The following BRCA2 variants were observed in gnomAD, a reference collection of about 807,000 sequenced individuals.
BRCA2 encodes the protein BRCA2 DNA repair associated, also known as breast cancer type 2 susceptibility protein.
BRCA2 carries 203 observed loss-of-function variants against 276.7 expected under a neutral mutation model. That is an observed-to-expected ratio of 0.73 (90% CI 0.65 to 0.82). The LOEUF is 0.82. Among genes scored for constraint, BRCA2 ranks in the 40% least tolerant of loss-of-function variants. The pLI is 0.00. For missense variants in BRCA2, 3,920 were observed against 3,915.0 expected, an observed-to-expected ratio of 1.00 and a Z score of -0.03; for synonymous variants, 1,289 against 1,338.4, an observed-to-expected ratio of 0.96 and a Z score of 0.81.
intron 4 of BRCA2, among the ~76,000 whole-genome samples, chr13:32,325,573 C>G (rs1013441054): frequency 3.1e-4 from 43 of 139,422 alleles, no homozygotes; most frequent in African/African-American, 1.1e-3. Context: ...GAGATGGAGT[C>G]TCTGTCACCC....
At chr13:32,346,152 C>T (rs1395181169) in intron 12 of BRCA2, among the ~76,000 whole-genome samples, 11 of 151,836 alleles carry the variant, frequency 7.2e-5, no homozygotes, top group Non-Finnish European at 1.5e-5. Context: ...TATTCACCCA[C>T]CTCTTGCTTA....
In BRCA2 at chr13:32,380,775, C is replaced by T. The variant is rs75562304; in HGVS notation, c.9256+630C>T. Among the ~76,000 whole-genome samples, 127 of 152,004 alleles carry T rather than the reference C, an allele frequency of 8.4e-4. No individual in the cohort carries two copies. In the East Asian group the frequency reaches 0.017, roughly 20 times the overall value. ...CAGGATAGTCTAAATCTCCTGACCTCGTGATCTACCAGCCTCGGCCTCCCA... is the reference window on the plus strand; with the variant it reads ...CAGGATAGTCTAAATCTCCTGACCTTGTGATCTACCAGCCTCGGCCTCCCA... On this transcript the variant is annotated intron_variant, in intron 24 of 26. Transcript: ENST00000380152.
intron 24 of BRCA2, among the ~76,000 whole-genome samples, chr13:32,388,542 T>TA (rs776079968): frequency 2.0e-5 from 3 of 151,880 alleles, no homozygotes; most frequent in Admixed American, 6.6e-5. Context: ...CTTTTTTTTT[T>TA]AAAAACAGGC....
chr13:32,374,099 G>A (rs2072854705), intron 20 of BRCA2, among the ~76,000 whole-genome samples: 1 of 152,230 alleles, frequency 6.6e-6, no homozygotes, highest in African/African-American at 2.4e-5. Flanking sequence ...TCAATGGCTG[G>A]AGCTGGAGCA....
intron 2 of BRCA2, 80 bp from the exon 3 acceptor site, chr13:32,318,997 C>G: frequency 6.5e-7 from 1 of 1,549,852 alleles, no homozygotes; most frequent in Admixed American, 2.0e-5. Context: ...GCATTTTTTT[C>G]CTTATGATCT....
At chr13:32,371,198 T>C (rs1566249528) in intron 20 of BRCA2, 98 bp downstream of exon 20, 1 of 1,316,964 alleles carries the variant, frequency 7.6e-7, no homozygotes, top group Non-Finnish European at 1.1e-6. Context: ...ATTGTTTTTA[T>C]TTTGAGTAGT....
intron 3 of BRCA2, 46 bp downstream of exon 3, chr13:32,319,371 A>G (rs1450504838): frequency 6.5e-7 from 1 of 1,543,922 alleles, no homozygotes; most frequent in Non-Finnish European, 8.9e-7. Flanking sequence ...CAAACTAGGA[A>G]TTTAGGCAAA....
chr13:32,374,724 C>T (rs2072859058), intron 20 of BRCA2, among the ~76,000 whole-genome samples: 1 of 152,220 alleles, frequency 6.6e-6, no homozygotes, highest in South Asian at 2.1e-4. Context: ...AACCATTCAA[C>T]AAGTCTCTAG....
intron 11 of BRCA2, among the ~76,000 whole-genome samples, chr13:32,344,139 C>T (rs1313392392): frequency 6.7e-6 from 1 of 148,804 alleles, no homozygotes; most frequent in East Asian, 1.9e-4. Flanking sequence ...ATAAATTACT[C>T]CTTCAGTTAA....
intron 24 of BRCA2, chr13:32,384,681 C>A (rs2072946576): frequency 1.3e-5 from 3 of 230,894 alleles, no homozygotes; most frequent in South Asian, 1.6e-4. Context: ...TGCTGATGAT[C>A]ATCAGGTCAA....
Position 32,324,124 on chromosome 13 carries a change from A to G in BRCA2, c.317-952A>G, listed in dbSNP as rs548714108. Among the ~76,000 whole-genome samples, 3 of 152,332 alleles carry G rather than the reference A, an allele frequency of 2.0e-5. No homozygotes were observed. The South Asian group carries it at 6.2e-4, about 32-fold the overall frequency. ...AGGGATACAGTGACAAATAAGACAA[A>G]ATCTCTACCTCAGATTGCTCACAGC... is the stretch of plus-strand genomic sequence containing the variant. On this transcript the variant is annotated intron_variant, in intron 3 of 26. Coordinates refer to ENST00000380152, the MANE Select transcript of BRCA2 (RefSeq NM_000059.4).
At chr13:32,321,854 C>A (rs2072308227) in intron 3 of BRCA2, among the ~76,000 whole-genome samples, 1 of 152,164 alleles carries the variant, frequency 6.6e-6, no homozygotes, top group African/African-American at 2.4e-5. Context: ...TGTTACCATT[C>A]TTCAGCTTAT....
rs746783617 is a variant in BRCA2 at position 32,332,510 on chromosome 13, T to C, written c.1032T>C (p.Ser344=). Residue 344 remains serine, a synonymous_variant, in exon 10 of 27, where the codon TCT becomes TCC. Transcript: ENST00000380152. The part of the protein sequence containing the change: ...HEANADECEK[S]KNQVKEKYSF... ...CAAACGCTGATGAATGTGAAAAATC[T>C]AAAAACCAAGTGAAAGAAAAATACT... The C allele has an allele frequency of 1.9e-6, 3 of 1,611,698 alleles. No individual in the cohort carries two copies. Among genetic ancestry groups the C allele is most frequent in the Admixed American group, 1.7e-5 (1 of 59,528 alleles).
rs587782157 is a variant in BRCA2 at position 32,338,495 on chromosome 13, TAAA to T, written c.4141_4143del (p.Lys1381del). On this transcript the variant is annotated inframe_deletion, in exon 11 of 27. Coordinates refer to ENST00000380152, the MANE Select transcript of BRCA2 (RefSeq NM_000059.4). Reference sequence around the variant, plus strand: ...TTATGAAGGAGGGAAACACTCAGATTAAAGAAGATTTGTCAGATTTAACTTTTT... The same window carrying T: ...TTATGAAGGAGGGAAACACTCAGATTGAAGATTTGTCAGATTTAACTTTTT... The T allele has an allele frequency of 5.0e-6, 8 of 1,609,154 alleles. No homozygotes were observed. The highest frequency in any genetic ancestry group is 5.9e-6 in the Non-Finnish European group (7 of 1,178,606).
chr13:32,387,367 A>G (rs1042023612), intron 24 of BRCA2, among the ~76,000 whole-genome samples: 3 of 152,180 alleles, frequency 2.0e-5, no homozygotes, highest in African/African-American at 7.2e-5. Context: ...TGGCGGGTAT[A>G]GGGTGAGGTG....
intron 3 of BRCA2, 94 bp from the exon 4 acceptor site, chr13:32,324,982 A>G (rs2072332821): frequency 1.2e-6 from 1 of 846,730 alleles, no homozygotes; most frequent in Non-Finnish European, 1.9e-6. Flanking sequence ...CATTCCCAGT[A>G]TAGAGGAGAC....
In BRCA2 at chr13:32,354,271, G is replaced by A. The variant is rs1460816; in HGVS notation, c.7008-590G>A. ...GAGAAATGAGAGTTTATTGAGTAGA[G>A]ATTGAGGAAGTGAAAATAGCTACAT... is the stretch of plus-strand genomic sequence containing the variant. On this transcript the variant is annotated intron_variant, in intron 13 of 26. Transcript: ENST00000380152. 0.54 allele frequency among the ~76,000 whole-genome samples: 81,841 copies of A among 151,772 alleles called. 22,170 individuals carry two copies. Among genetic ancestry groups the A allele is most frequent in the East Asian group, 0.57 (2,956 of 5,156 alleles).
At chr13:32,393,387 T>A (rs2073011214) in intron 24 of BRCA2, among the ~76,000 whole-genome samples, 1 of 152,224 alleles carries the variant, frequency 6.6e-6, no homozygotes, top group Non-Finnish European at 1.5e-5. Flanking sequence ...TTTATTTGGT[T>A]ATTTATATCA....
At chr13:32,395,329 C>A (rs2073028588) in intron 25 of BRCA2, among the ~76,000 whole-genome samples, 1 of 152,094 alleles carries the variant, frequency 6.6e-6, no homozygotes, top group Non-Finnish European at 1.5e-5. Context: ...GATTATATTT[C>A]TTTGACTTGA....
Sources: allele counts gnomAD v4.1 joint callset (sites outside exome capture counted in the v4.1 genomes callset), GRCh38; gene constraint gnomAD v4.1.1; transcripts MANE v1.5; gene names NCBI Gene and HGNC (gene_info 2026-07-23, HGNC 2026-07-21).